The following AFAP1 variants were observed in gnomAD, a reference collection of about 807,000 sequenced individuals.
The protein encoded by AFAP1 is actin filament associated protein 1.
In AFAP1, 75 loss-of-function variants were observed where a neutral mutation model predicts 93.9. That is an observed-to-expected ratio of 0.80 (90% confidence interval 0.66 to 0.97). The LOEUF is 0.97. Ranked by LOEUF, AFAP1 falls within the 50% of genes least tolerant of loss-of-function variation. The probability of loss-of-function intolerance (pLI) is 0.00; values close to 1 mark genes in which losing one functional copy is unlikely to be tolerated. For missense variants in AFAP1, 1,201 were observed against 1,050.8 expected, an observed-to-expected ratio of 1.14 and a Z score of -1.98; for synonymous variants, 517 against 430.7, an observed-to-expected ratio of 1.20 and a Z score of -2.48.
intron 6 of AFAP1, among the ~76,000 whole-genome samples, chr4:7,825,791 C>T (rs1421860792): frequency 1.3e-5 from 2 of 151,604 alleles, no homozygotes; most frequent in Non-Finnish European, 2.9e-5. Flanking sequence ...TAACATAGCC[C>T]AGAAAGATAT....
chr4:7,853,221 G>A (rs1022556749), intron 4 of AFAP1, among the ~76,000 whole-genome samples: 4 of 150,966 alleles, frequency 2.6e-5, no homozygotes, highest in Non-Finnish European at 2.9e-5. Context: ...GAGGGGAGCA[G>A]TGGCCCCAGA....
intron 2 of AFAP1, among the ~76,000 whole-genome samples, chr4:7,871,578 G>A (rs932477798): frequency 6.6e-6 from 1 of 152,192 alleles, no homozygotes; most frequent in East Asian, 1.9e-4. Flanking sequence ...TCCATGTTCC[G>A]CCTACATCTT....
chr4:7,822,751 A>ATTTTT (rs5855983), intron 6 of AFAP1, among the ~76,000 whole-genome samples: 11 of 141,404 alleles, frequency 7.8e-5, no homozygotes, highest in African/African-American at 2.4e-4. Context: ...CGCCCGGCTA[A>ATTTTT]TTTTTTTTTT....
chr4:7,832,845 C>T (rs545804435), intron 6 of AFAP1, among the ~76,000 whole-genome samples: 1 of 152,116 alleles, frequency 6.6e-6, no homozygotes, highest in South Asian at 2.1e-4. Context: ...GAATAGAGAA[C>T]CCAAATACTT....
At chr4:7,843,056 T>G in intron 5 of AFAP1, 83 bp downstream of exon 5, 1 of 1,442,788 alleles carries the variant, frequency 6.9e-7, no homozygotes, top group Non-Finnish European at 9.6e-7. Context: ...GCACAGCTGA[T>G]GTTAATGGTG....
intron 13 of AFAP1, chr4:7,779,175 C>G (rs1716483711): frequency 2.9e-6 from 1 of 349,938 alleles, no homozygotes; most frequent in Admixed American, 4.6e-5. Context: ...CTGGCGCAGG[C>G]AGCTGACTAC....
At chr4:7,788,375 C>G (rs1236774014) in intron 11 of AFAP1, among the ~76,000 whole-genome samples, 1 of 152,252 alleles carries the variant, frequency 6.6e-6, no homozygotes, top group African/African-American at 2.4e-5. Flanking sequence ...GGGCTTGGGG[C>G]TCCGGGCTGG....
intron 11 of AFAP1, among the ~76,000 whole-genome samples, chr4:7,791,953 G>A (rs1366633722): frequency 1.3e-5 from 2 of 152,016 alleles, no homozygotes; most frequent in African/African-American, 2.4e-5. Flanking sequence ...CGCCAATAAC[G>A]AACCAGAAAG....
chr4:7,864,069 C>CCTTCCCAACTTCCCATCACAACA (rs1716088007), intron 3 of AFAP1, among the ~76,000 whole-genome samples: 2 of 6,872 alleles, frequency 2.9e-4, no homozygotes, highest in African/African-American at 7.0e-4. Context: ...CCATCACAAC[C>CCTTCCCAACTTCCCATCACAACA]CATTCCCAAC....
chr4:7,937,674 A>T (rs1456363390), intron 1 of AFAP1, among the ~76,000 whole-genome samples: 1 of 152,034 alleles, frequency 6.6e-6, no homozygotes, highest in Non-Finnish European at 1.5e-5. Flanking sequence ...TTTAGTAGAG[A>T]CGGGGTTTCA....
chr4:7,780,687 T>C (rs114036265), intron 13 of AFAP1, among the ~76,000 whole-genome samples: 7 of 152,098 alleles, frequency 4.6e-5, no homozygotes, highest in African/African-American at 7.2e-5. Context: ...AAAATTACTC[T>C]GAAATGTTAC....
intron 4 of AFAP1, 37 bp from the exon 5 acceptor site, chr4:7,843,387 C>A: frequency 6.4e-7 from 1 of 1,557,872 alleles, no homozygotes; most frequent in Non-Finnish European, 8.7e-7. Flanking sequence ...AAAAGGACTT[C>A]TTTACCTTGA....
At chr4:7,826,036 A>T (rs750042381) in intron 6 of AFAP1, among the ~76,000 whole-genome samples, 1 of 152,178 alleles carries the variant, frequency 6.6e-6, no homozygotes, top group Non-Finnish European at 1.5e-5. Flanking sequence ...CTAAATCCTA[A>T]AAGTGAAGGC....
At chr4:7,806,055 C>T (rs372171338) in intron 9 of AFAP1, among the ~76,000 whole-genome samples, 51 of 152,274 alleles carry the variant, frequency 3.3e-4, no homozygotes, top group African/African-American at 1.1e-3. Flanking sequence ...TTAATTCATA[C>T]GGTGACAATA....
chr4:7,825,954 T>TAAAA (rs56032709), intron 6 of AFAP1, among the ~76,000 whole-genome samples: 13 of 133,794 alleles, frequency 9.7e-5, no homozygotes, highest in African/African-American at 3.6e-4. Flanking sequence ...TGGATATGCT[T>TAAAA]AAAAAAAAAA....
At chr4:7,781,724 C>T in intron 12 of AFAP1, 97 bp from the exon 13 acceptor site, 1 of 1,457,306 alleles carries the variant, frequency 6.9e-7, no homozygotes, top group Non-Finnish European at 9.2e-7. Context: ...CGGCATTTAG[C>T]ATACATTGGC....
At chr4:7,911,274 C>T (rs1312241537) in intron 1 of AFAP1, among the ~76,000 whole-genome samples, 3 of 152,166 alleles carry the variant, frequency 2.0e-5, no homozygotes, top group Non-Finnish European at 4.4e-5. Flanking sequence ...CAAATATAGG[C>T]AGGAGCCAGC....
At chr4:7,902,610 C>T (rs1352945412) in intron 1 of AFAP1, among the ~76,000 whole-genome samples, 1 of 152,114 alleles carries the variant, frequency 6.6e-6, no homozygotes, top group Non-Finnish European at 1.5e-5. Context: ...ATAGAAATGG[C>T]CACTCTTTCT....
At chr4:7,780,715 G>C (rs1577197953) in intron 13 of AFAP1, among the ~76,000 whole-genome samples, 1 of 152,124 alleles carries the variant, frequency 6.6e-6, no homozygotes, top group Middle Eastern at 3.4e-3. Context: ...CATAGATACA[G>C]GGTGTGCAAT....
Sources: allele counts gnomAD v4.1 joint callset (sites outside exome capture counted in the v4.1 genomes callset), GRCh38; gene constraint gnomAD v4.1.1; transcripts MANE v1.5; gene names NCBI Gene and HGNC (gene_info 2026-07-23, HGNC 2026-07-21).